FAM184A: variants seen among roughly 807,000 people sequenced by gnomAD.
The protein encoded by FAM184A is family with sequence similarity 184 member A, also known as protein FAM184A.
A neutral mutation model predicts 143.8 loss-of-function variants in FAM184A; 99 were observed. That is an observed-to-expected ratio of 0.69 (90% CI 0.58 to 0.81). The LOEUF (loss-of-function observed/expected upper bound fraction) is 0.81. Ranked by LOEUF, FAM184A falls within the 40% of genes least tolerant of loss-of-function variation. The pLI, the probability that FAM184A is intolerant of heterozygous loss-of-function variation, is 0.00. For missense variants in FAM184A, 1,217 were observed against 1,310.5 expected, an observed-to-expected ratio of 0.93 and a Z score of 1.10; for synonymous variants, 427 against 446.4, an observed-to-expected ratio of 0.96 and a Z score of 0.55.
At chr6:118,980,497 C>G (rs1439965355) in intron 9 of FAM184A, 147 bp from the exon 10 acceptor site, 1 of 617,840 alleles carries the variant, frequency 1.6e-6, no homozygotes, top group African/African-American at 1.9e-5. Context: ...TAAAATATAT[C>G]ATAAAAATAA....
At chr6:119,074,461 T>G (rs1046087526) in intron 1 of FAM184A, among the ~76,000 whole-genome samples, 1 of 152,186 alleles carries the variant, frequency 6.6e-6, no homozygotes, top group Non-Finnish European at 1.5e-5. Flanking sequence ...AAATTGAGAC[T>G]TTTGTGACTT....
At position 119,110,050 on chromosome 6, in the gene FAM184A, A is replaced by G. The variant is rs183501726; in HGVS notation, c.-202+39028T>C. ...GTTGGGCGCTGCTTCACCTAACATA[A>G]GTCTAAGTATCGTGCTTTAACTCAA... On this transcript the variant is annotated intron_variant, in intron 1 of 16. Transcript: ENST00000352896. 3.4e-3 allele frequency among the ~76,000 whole-genome samples: 511 copies of G among 152,278 alleles called. 3 individuals are homozygous for G. The highest frequency in any genetic ancestry group is 5.4e-3 in the Non-Finnish European group (368 of 68,028).
chr6:119,032,069 C>T (rs1212498198), intron 1 of FAM184A, among the ~76,000 whole-genome samples: 3 of 152,038 alleles, frequency 2.0e-5, no homozygotes, highest in Non-Finnish European at 4.4e-5. Context: ...ATCAGGAGTT[C>T]AAGACCAGCC....
chr6:119,045,996 A>G (rs1195109761), intron 1 of FAM184A, among the ~76,000 whole-genome samples: 1 of 152,182 alleles, frequency 6.6e-6, no homozygotes, highest in Non-Finnish European at 1.5e-5. Flanking sequence ...AGTAATCACT[A>G]TTCATTGTAG....
chr6:119,023,881 G>T, intron 2 of FAM184A, 78 bp downstream of exon 2: 1 of 1,284,420 alleles, frequency 7.8e-7, no homozygotes, highest in Non-Finnish European at 1.0e-6. Context: ...AAGTGGGCCA[G>T]ACTGCTCTCC....
intron 1 of FAM184A, among the ~76,000 whole-genome samples, chr6:119,109,496 C>T (rs886547161): frequency 6.6e-6 from 1 of 152,172 alleles, no homozygotes; most frequent in East Asian, 1.9e-4. Context: ...CTCTCTGTCT[C>T]TCTCTCAGAT....
At chr6:119,050,790 C>T (rs531749510) in intron 1 of FAM184A, among the ~76,000 whole-genome samples, 4 of 147,066 alleles carry the variant, frequency 2.7e-5, no homozygotes, top group African/African-American at 5.0e-5. Flanking sequence ...CCGGCCTGGG[C>T]GACAGAGCGA....
At chr6:118,964,579 A>T in intron 16 of FAM184A, 88 bp downstream of exon 16, 1 of 587,660 alleles carries the variant, frequency 1.7e-6, no homozygotes. Flanking sequence ...TGGGAGCTTT[A>T]TCTAACTATG....
At chr6:119,113,477 C>A (rs1385429527) in intron 1 of FAM184A, among the ~76,000 whole-genome samples, 1 of 150,938 alleles carries the variant, frequency 6.6e-6, no homozygotes, top group East Asian at 2.0e-4. Context: ...ACCTCACCAC[C>A]CCTAATCATG....
chr6:119,069,915 C>A (rs1338726036), intron 1 of FAM184A, among the ~76,000 whole-genome samples: 5 of 152,058 alleles, frequency 3.3e-5, no homozygotes, highest in Non-Finnish European at 7.4e-5. Context: ...ATTAGTAATG[C>A]ACTTTATAGA....
chr6:119,006,373 T>C, intron 7 of FAM184A, 74 bp downstream of exon 7: 1 of 1,405,860 alleles, frequency 7.1e-7, no homozygotes, highest in Non-Finnish European at 9.9e-7. Context: ...GCTGTTTAAA[T>C]AGCTCTAGGT....
intron 1 of FAM184A, among the ~76,000 whole-genome samples, chr6:119,067,278 G>A (rs1787489565): frequency 6.6e-6 from 1 of 152,218 alleles, no homozygotes; most frequent in Non-Finnish European, 1.5e-5. Context: ...TGTTTACTGA[G>A]ATAATGAGAG....
At chr6:118,988,022 G>C (rs761837435) in intron 9 of FAM184A, among the ~76,000 whole-genome samples, 5 of 152,146 alleles carry the variant, frequency 3.3e-5, no homozygotes, top group Non-Finnish European at 7.4e-5. Flanking sequence ...TGTTGTTTAT[G>C]CAAAATGAAA....
chr6:119,015,250 G>A (rs960344865), intron 5 of FAM184A, among the ~76,000 whole-genome samples: 5 of 152,096 alleles, frequency 3.3e-5, no homozygotes, highest in East Asian at 1.9e-4. Flanking sequence ...TCGGCCTGCC[G>A]CTGCACTGCG....
At chr6:119,106,249 G>A (rs940774391) in intron 1 of FAM184A, among the ~76,000 whole-genome samples, 10 of 152,036 alleles carry the variant, frequency 6.6e-5, no homozygotes, top group Admixed American at 2.0e-4. Context: ...AAAATTAGCC[G>A]GGCGTGGTGG....
intron 9 of FAM184A, among the ~76,000 whole-genome samples, chr6:118,995,137 G>T (rs1167604583): frequency 6.6e-6 from 1 of 152,116 alleles, no homozygotes; most frequent in Non-Finnish European, 1.5e-5. Context: ...CCAATTTCAG[G>T]CCAGGCATGG....
intron 9 of FAM184A, among the ~76,000 whole-genome samples, chr6:118,993,611 G>A (rs1313421946): frequency 2.0e-5 from 3 of 152,298 alleles, no homozygotes; most frequent in Non-Finnish European, 2.9e-5. Context: ...AAAACTTAAT[G>A]AATGATATGA....
rs529550190 is a variant in FAM184A at position 119,033,821 on chromosome 6, A to G, written c.160-9008T>C. 2.0e-5 allele frequency among the ~76,000 whole-genome samples: 3 copies of G among 149,700 alleles called. No homozygotes were observed. The East Asian group carries it at 5.9e-4, about 29-fold the overall frequency. On this transcript the variant is annotated intron_variant, in intron 1 of 17. Transcript: ENST00000338891. ...AGCCTGGCCAACATGGCAAAACCCC[A>G]TCTCTACTAAAAGTACAAAAATTAG...
chr6:118,970,165 G>A lies in FAM184A; in HGVS notation c.2916-3213C>T, dbSNP rs1298785710. On this transcript the variant is annotated intron_variant, in intron 14 of 17. Coordinates refer to ENST00000338891, the MANE Select transcript of FAM184A (RefSeq NM_024581.6). ...ATTACAAGTGTCTGCCACCACACTC[G>A]GCTAATTTTTGTATTTTTAGTAGAG... Among the ~76,000 whole-genome samples the A allele has an allele frequency of 5.4e-5, 8 of 149,410 alleles. 1 individual carries two copies. Among genetic ancestry groups the A allele is most frequent in the Admixed American group, 4.0e-4 (6 of 14,890 alleles).
Sources: gnomAD v4.1 joint callset for allele counts (sites outside exome capture counted in the v4.1 genomes callset) on GRCh38, gnomAD v4.1.1 for gene constraint, MANE v1.5 for transcripts, NCBI Gene and HGNC (gene_info 2026-07-23, HGNC 2026-07-21) for gene names.